Variants in PDZD9 observed in about 807,000 individuals in gnomAD.
PDZD9 encodes the protein PDZ domain-containing protein 9.
Under a neutral mutation model 16.3 loss-of-function variants are expected in PDZD9, and 13 were observed. That is an observed-to-expected ratio of 0.80 (90% CI 0.52 to 1.27). The LOEUF (loss-of-function observed/expected upper bound fraction) is 1.27, where lower values mean the gene tolerates loss of function less well. Among genes scored for constraint, PDZD9 ranks in the 50% most tolerant of loss-of-function variants. The pLI is 0.00. For missense variants in PDZD9, 288 were observed against 310.9 expected (o/e 0.93, Z 0.55); for synonymous variants, 120 against 111.0 (o/e 1.08, Z -0.51).
downstream of PDZD9, among the ~76,000 whole-genome samples, chr16:21,980,996 G>A (rs547049265): frequency 2.8e-4 from 42 of 152,244 alleles, no homozygotes; most frequent in African/African-American, 9.9e-4. Flanking sequence ...TACACCTAAC[G>A]TATCAAACGT....
At chr16:21,974,344 A>G in the PDZD9 span, among the ~76,000 whole-genome samples, 9 of 152,328 alleles carry the variant, frequency 5.9e-5, no homozygotes, top group African/African-American at 1.9e-4. Flanking sequence ...ATTGTAGGAA[A>G]AGAAAACTAA....
downstream of PDZD9, among the ~76,000 whole-genome samples, chr16:21,981,844 CT>C (rs1245008218): frequency 1.4e-3 from 200 of 142,026 alleles, no homozygotes; most frequent in Admixed American, 1.6e-3. Flanking sequence ...TCATACTCTT[CT>C]TTTTTTTTTT....
At chr16:21,997,240 G>A (rs539262245) in intron 1 of PDZD9, among the ~76,000 whole-genome samples, 56 of 152,206 alleles carry the variant, frequency 3.7e-4, no homozygotes, top group Non-Finnish European at 7.1e-4. Context: ...AGAAAAGGAC[G>A]GAGGGCTCTG....
At chr16:21,975,234 G>T in the PDZD9 span, among the ~76,000 whole-genome samples, 2 of 152,170 alleles carry the variant, frequency 1.3e-5, no homozygotes, top group African/African-American at 4.8e-5. Flanking sequence ...CAGGGATCTA[G>T]GCTCAATAGA....
chr16:22,000,122 T>G (rs1899255278), intron 1 of PDZD9, among the ~76,000 whole-genome samples: 1 of 152,100 alleles, frequency 6.6e-6, no homozygotes, highest in Non-Finnish European at 1.5e-5. Context: ...GAGGATTGCT[T>G]GAGCCCAAGA....
At chr16:21,968,267 G>T in the PDZD9 span, among the ~76,000 whole-genome samples, 9 of 152,130 alleles carry the variant, frequency 5.9e-5, no homozygotes, top group Non-Finnish European at 1.3e-4. Flanking sequence ...CTCCCAGAGT[G>T]CTGGGATTAC....
the PDZD9 span, chr16:21,965,481 G>C: frequency 6.2e-7 from 1 of 1,606,948 alleles, no homozygotes; most frequent in Non-Finnish European, 8.5e-7. Flanking sequence ...CTGACTATAG[G>C]ATTGGAAAAG....
the PDZD9 span, chr16:21,959,693 C>G: frequency 2.0e-5 from 3 of 152,274 alleles, no homozygotes; most frequent in Admixed American, 6.5e-5. Context: ...CCAGATCCAT[C>G]AGCGTCTTCA....
chr16:21,967,460 C>G, the PDZD9 span, among the ~76,000 whole-genome samples: 14 of 151,746 alleles, frequency 9.2e-5, no homozygotes, highest in South Asian at 2.7e-3. Flanking sequence ...CTTAGTTACC[C>G]CAAACCAATT....
chr16:21,964,609 C>T, the PDZD9 span, among the ~76,000 whole-genome samples: 14 of 152,070 alleles, frequency 9.2e-5, no homozygotes, highest in African/African-American at 3.4e-4. Flanking sequence ...AATGCTGTTC[C>T]CAAATGATTT....
the PDZD9 span, chr16:21,972,245 A>G: frequency 2.4e-6 from 3 of 1,274,686 alleles, no homozygotes; most frequent in East Asian, 2.5e-5. Flanking sequence ...ACAATTGAAG[A>G]GATAGCCAGG....
downstream of PDZD9, chr16:21,983,315 G>A: frequency 1.5e-6 from 1 of 666,142 alleles, no homozygotes; most frequent in Non-Finnish European, 2.5e-6. Flanking sequence ...ATTATTCCCA[G>A]CTGACCTAAA....
intron 1 of PDZD9, among the ~76,000 whole-genome samples, chr16:22,000,538 A>G (rs1044132238): frequency 4.6e-5 from 7 of 152,030 alleles, no homozygotes; most frequent in Non-Finnish European, 1.0e-4. Context: ...GTACTTTTAA[A>G]AGGGGGGATC....
At chr16:21,968,147 G>A in the PDZD9 span, among the ~76,000 whole-genome samples, 15 of 151,828 alleles carry the variant, frequency 9.9e-5, no homozygotes, top group Admixed American at 5.3e-4. Flanking sequence ...GATTACAGGC[G>A]TGCACCACCA....
chr16:21,962,781 T>A, the PDZD9 span: 1 of 1,614,176 alleles, frequency 6.2e-7, no homozygotes, highest in Admixed American at 1.7e-5. Context: ...ATGGAGTTCC[T>A]GCTCAATGTC....
chr16:21,976,203 G>C, the PDZD9 span: 5 of 1,613,968 alleles, frequency 3.1e-6, no homozygotes, highest in East Asian at 4.5e-5. Context: ...AAAAACAATA[G>C]CTCAAGGAAA....
At chr16:21,977,239 A>T in the PDZD9 span, among the ~76,000 whole-genome samples, 1 of 152,202 alleles carries the variant, frequency 6.6e-6, no homozygotes, top group Admixed American at 6.5e-5. Context: ...CTGTAGCCTC[A>T]GCTACTCAGG....
downstream of PDZD9, chr16:21,983,341 T>G: frequency 1.8e-6 from 1 of 560,038 alleles, no homozygotes; most frequent in East Asian, 3.0e-5. Context: ...TAAAACATTC[T>G]GTTTAAGTGT....
intron 2 of PDZD9, among the ~76,000 whole-genome samples, chr16:21,991,953 A>C (rs1899032435): frequency 6.6e-6 from 1 of 152,206 alleles, no homozygotes; most frequent in Non-Finnish European, 1.5e-5. Context: ...ACATCGGTTC[A>C]AATCCCAGCT....
Sources: gnomAD v4.1 joint callset for allele counts (sites outside exome capture counted in the v4.1 genomes callset) on GRCh38, gnomAD v4.1.1 for gene constraint, MANE v1.5 for transcripts, NCBI Gene and HGNC (gene_info 2026-07-23, HGNC 2026-07-21) for gene names.